The following PTPRD variants were observed in gnomAD, a reference collection of about 807,000 sequenced individuals.
The protein encoded by PTPRD is protein tyrosine phosphatase receptor type D.
Under a neutral mutation model 214.5 loss-of-function variants are expected in PTPRD, and 34 were observed. The ratio of observed to expected loss-of-function variants is 0.16; its 90% CI spans 0.12 to 0.21. PTPRD has a LOEUF of 0.21. PTPRD is among the 10% of genes least tolerant of loss of function. The pLI, the probability that PTPRD is intolerant of heterozygous loss-of-function variation, is 1.00. For missense variants in PTPRD, 2,545 were observed against 2,398.7 expected, an observed-to-expected ratio of 1.06 and a Z score of -1.27; for synonymous variants, 1,128 against 845.7, an observed-to-expected ratio of 1.33 and a Z score of -5.79.
chr9:8,491,248 C>CA (rs1390488421), intron 27 of PTPRD, among the ~76,000 whole-genome samples: 2 of 152,130 alleles, frequency 1.3e-5, no homozygotes, highest in African/African-American at 2.4e-5. Context: ...AATGAAAATT[C>CA]CAAAGGAATT....
intron 14 of PTPRD, among the ~76,000 whole-genome samples, chr9:8,542,866 T>C (rs1437152974): frequency 1.3e-5 from 2 of 152,170 alleles, no homozygotes; most frequent in African/African-American, 2.4e-5. Context: ...CTAGAATGGG[T>C]TGTAAATACC....
intron 10 of PTPRD, among the ~76,000 whole-genome samples, chr9:9,106,449 A>G (rs1036480807): frequency 1.3e-5 from 2 of 151,872 alleles, no homozygotes; most frequent in African/African-American, 4.8e-5. Context: ...TATAAGCTAT[A>G]GTTAAATATG....
At chr9:10,395,246 C>T (rs112279393) in intron 2 of PTPRD, among the ~76,000 whole-genome samples, 6,344 of 150,938 alleles carry the variant, frequency 0.042, 458 homozygotes, top group African/African-American at 0.14. Flanking sequence ...TGCTATCCCT[C>T]CCCCATCCCC....
Position 9,714,559 on chromosome 9 carries a change from T to A in PTPRD, c.-287+19974A>T, listed in dbSNP as rs181201473. Among the ~76,000 whole-genome samples, 25 of 152,290 alleles carry A rather than the reference T, an allele frequency of 1.6e-4. No homozygotes were observed. The East Asian group carries it at 4.8e-3, about 29-fold the overall frequency. ...ATGTAATTCAGACTATTAGCTAGGTTTTGCCAAAAGTAAAGTAACCCTGTA... is the reference window on the plus strand; with the variant it reads ...ATGTAATTCAGACTATTAGCTAGGTATTGCCAAAAGTAAAGTAACCCTGTA... On this transcript the variant is annotated intron_variant, in intron 7 of 45. Transcript: ENST00000381196.
chr9:9,267,488 C>G (rs925517255), intron 9 of PTPRD, among the ~76,000 whole-genome samples: 20 of 151,222 alleles, frequency 1.3e-4, no homozygotes, highest in African/African-American at 4.4e-4. Context: ...AGAATTAACA[C>G]TAGCTCTTCT....
At chr9:9,650,355 T>C (rs935161078) in intron 7 of PTPRD, among the ~76,000 whole-genome samples, 2 of 152,178 alleles carry the variant, frequency 1.3e-5, no homozygotes, top group Non-Finnish European at 2.9e-5. Context: ...AATGGACTAA[T>C]GCAGTGATGA....
chr9:8,680,056 T>C (rs1187350877), intron 12 of PTPRD, among the ~76,000 whole-genome samples: 1 of 152,128 alleles, frequency 6.6e-6, no homozygotes, highest in Non-Finnish European at 1.5e-5. Context: ...TTCTTATAAA[T>C]CATATTTTAT....
chr9:9,717,511 A>C (rs2097855963), intron 7 of PTPRD, among the ~76,000 whole-genome samples: 1 of 152,228 alleles, frequency 6.6e-6, no homozygotes, highest in African/African-American at 2.4e-5. Flanking sequence ...GTAAGCATAT[A>C]TAAAACTCAC....
chr9:9,618,235 A>C (rs2095023282), intron 7 of PTPRD, among the ~76,000 whole-genome samples: 1 of 151,908 alleles, frequency 6.6e-6, no homozygotes, highest in Non-Finnish European at 1.5e-5. Context: ...AGATTTTAAT[A>C]TGTATTCTCA....
intron 11 of PTPRD, among the ~76,000 whole-genome samples, chr9:8,976,171 T>C (rs993037564): frequency 6.6e-6 from 1 of 152,110 alleles, no homozygotes; most frequent in Non-Finnish European, 1.5e-5. Flanking sequence ...TGCTATCTTT[T>C]GCCCTATCTG....
chr9:9,000,041 A>G (rs2099411783), intron 11 of PTPRD, among the ~76,000 whole-genome samples: 1 of 152,014 alleles, frequency 6.6e-6, no homozygotes, highest in African/African-American at 2.4e-5. Flanking sequence ...CACTCTGTCC[A>G]AATGCTGCTT....
At chr9:10,150,694 T>C (rs1461041480) in intron 3 of PTPRD, among the ~76,000 whole-genome samples, 8 of 150,460 alleles carry the variant, frequency 5.3e-5, no homozygotes, top group Non-Finnish European at 1.0e-4. Flanking sequence ...AATAATAATC[T>C]TTAAAAAAAA....
intron 5 of PTPRD, among the ~76,000 whole-genome samples, chr9:9,917,522 A>T (rs2081289420): frequency 1.3e-5 from 2 of 151,272 alleles, no homozygotes; most frequent in South Asian, 4.2e-4. Context: ...CTTTAGAGTT[A>T]ACACCAATTC....
intron 7 of PTPRD, among the ~76,000 whole-genome samples, chr9:9,600,230 G>A (rs1050004055): frequency 1.3e-5 from 2 of 152,088 alleles, no homozygotes; most frequent in African/African-American, 2.4e-5. Flanking sequence ...CAGGATAATA[G>A]TGAACTTTGC....
At chr9:10,181,730 C>A (rs542206081) in intron 3 of PTPRD, among the ~76,000 whole-genome samples, 1 of 150,718 alleles carries the variant, frequency 6.6e-6, no homozygotes, top group East Asian at 2.0e-4. Context: ...GCAAGGTGAA[C>A]TGTTAGTAAA....
In PTPRD at chr9:8,529,737, A is replaced by G. The variant is rs375860553; in HGVS notation, c.353-958T>C. On this transcript the variant is annotated intron_variant, in intron 14 of 45. Transcript: ENST00000381196. ...TCTATCTAAGCATCGAAAGAATTTT[A>G]GTTAGATGGGTGGCAATTATCCAAA... Among the ~76,000 whole-genome samples the G allele has an allele frequency of 1.4e-4, 21 of 152,276 alleles. No individual in the cohort carries two copies. In the East Asian group the frequency reaches 2.7e-3, roughly 20 times the overall value.
chr9:10,457,137 A>G (rs1038323009), intron 2 of PTPRD, among the ~76,000 whole-genome samples: 3 of 151,904 alleles, frequency 2.0e-5, no homozygotes, highest in Non-Finnish European at 2.9e-5. Context: ...TGACGTGCAC[A>G]TATCTTAAAT....
chr9:8,672,886 G>T (rs1487181190), intron 12 of PTPRD, among the ~76,000 whole-genome samples: 1 of 151,830 alleles, frequency 6.6e-6, no homozygotes, highest in African/African-American at 2.4e-5. Context: ...ATTTTTAGAG[G>T]CCTAAATCCT....
At chr9:9,870,731 C>A (rs76030680) in intron 5 of PTPRD, among the ~76,000 whole-genome samples, 1 of 151,806 alleles carries the variant, frequency 6.6e-6, no homozygotes, top group African/African-American at 2.4e-5. Context: ...TACTGATGTT[C>A]GCAATCTAAT....
Sources: gnomAD v4.1 joint callset for allele counts (sites outside exome capture counted in the v4.1 genomes callset) on GRCh38, gnomAD v4.1.1 for gene constraint, MANE v1.5 for transcripts, NCBI Gene and HGNC (gene_info 2026-07-23, HGNC 2026-07-21) for gene names.